CFAP46: variants seen among roughly 807,000 people sequenced by gnomAD.
CFAP46 encodes cilia- and flagella-associated protein 46.
Under a neutral mutation model 325.7 loss-of-function variants are expected in CFAP46, and 245 were observed. The observed-to-expected ratio is 0.75, with a 90% CI of 0.68 to 0.84. The LOEUF (loss-of-function observed/expected upper bound fraction) is 0.84, where lower values mean the gene tolerates loss of function less well. Ranked by LOEUF, CFAP46 falls within the 40% of genes least tolerant of loss-of-function variation. The probability of loss-of-function intolerance (pLI) is 0.00; values close to 1 mark genes in which losing one functional copy is unlikely to be tolerated. For synonymous variants in CFAP46, 1,523 were observed against 1,495.9 expected (o/e 1.02, Z -0.42); for missense variants, 3,346 against 3,543.0 (o/e 0.94, Z 1.41).
intron 25 of CFAP46, among the ~76,000 whole-genome samples, chr10:132,890,929 A>C (rs1409338825): frequency 6.6e-6 from 1 of 152,202 alleles, no homozygotes. Context: ...ACAGCATTTA[A>C]AGATTTCCCA....
At position 132,817,778 on chromosome 10, in the gene CFAP46, T is replaced by C. The variant is rs963783329; in HGVS notation, c.7118-2864A>G. On this transcript the variant is annotated intron_variant, in intron 50 of 57. Transcript: ENST00000368586. This position sits in a 1 kb window ranked among gnomAD's most constrained non-coding sequence, Gnocchi z 4.4. The stretch of plus-strand genomic sequence containing the variant: ...AGTTTGTGTGGCTGCTGTTAACCAA[T>C]TACTACAAAACGCAGGCTTGATGTG... Among the ~76,000 whole-genome samples, 6 of 152,222 alleles carry C rather than the reference T, an allele frequency of 3.9e-5. No individual in the cohort carries two copies. Among genetic ancestry groups the C allele is most frequent in the Admixed American group, 3.9e-4 (6 of 15,292 alleles).
chr10:132,865,461 G>T (rs1848798827), intron 35 of CFAP46, among the ~76,000 whole-genome samples: 1 of 152,204 alleles, frequency 6.6e-6, no homozygotes, highest in Non-Finnish European at 1.5e-5. Context: ...ATGTCACAAA[G>T]CCTGGCAGGA....
In CFAP46 at chr10:132,828,924, G is replaced by C. The variant is rs1459446759; in HGVS notation, c.7117+4434C>G. 6.6e-6 allele frequency among the ~76,000 whole-genome samples: 1 copy of C among 151,938 alleles called. No individual in the cohort carries two copies. The highest frequency in any genetic ancestry group is 1.5e-5 in the Non-Finnish European group (1 of 68,016). On this transcript the variant is annotated intron_variant, in intron 50 of 57. Transcript: ENST00000368586. This position sits in a 1 kb window ranked among gnomAD's most constrained non-coding sequence, Gnocchi z 4.9. ...CTTCTGGTTCCCCGCCCCATCCCCTGGGTCTACACGGCTACCGTCACGCCT... is the reference window on the plus strand; with the variant it reads ...CTTCTGGTTCCCCGCCCCATCCCCTCGGTCTACACGGCTACCGTCACGCCT...
Position 132,881,152 on chromosome 10 carries a change from G to A in CFAP46, c.3628-120C>T, listed in dbSNP as rs536277997. ...AAAGCTTCATTCTTACCCCCACAGTGATCATTTGCAGGCCGCCTCTAATGA... is the reference window on the plus strand; with the variant it reads ...AAAGCTTCATTCTTACCCCCACAGTAATCATTTGCAGGCCGCCTCTAATGA... On this transcript the variant is annotated intron_variant, in intron 27 of 57. Transcript: ENST00000368586. The A allele has an allele frequency of 9.7e-5, 96 of 992,316 alleles. No individual in the cohort carries two copies. In the South Asian group the frequency reaches 1.5e-3, roughly 16 times the overall value. 61.5% of individuals were successfully genotyped at this position (992,316 alleles called of 1,614,324 possible). A position where few individuals can be genotyped will look rare whatever the true frequency, so the allele number is the denominator to read the frequency against.
chr10:132,920,505 C>T (rs533306840), intron 13 of CFAP46, among the ~76,000 whole-genome samples: 35 of 152,336 alleles, frequency 2.3e-4, no homozygotes, highest in Middle Eastern at 6.8e-3. Context: ...CAGAGGCACC[C>T]GGCCTCAGAC....
intron 19 of CFAP46, 62 bp downstream of exon 19, chr10:132,912,592 TC>T (rs1849567274): frequency 1.4e-5 from 19 of 1,331,530 alleles, no homozygotes; most frequent in Non-Finnish European, 1.9e-5. Context: ...CTCCTCTCTC[TC>T]TCTCCTCTCT....
chr10:132,911,610 G>T (rs1401331196), intron 19 of CFAP46, among the ~76,000 whole-genome samples: 1 of 152,206 alleles, frequency 6.6e-6, no homozygotes, highest in African/African-American at 2.4e-5. Context: ...TTCTGAGTTA[G>T]AAATGGGCAA....
At chr10:132,843,151 G>A (rs1293696276) in intron 44 of CFAP46, among the ~76,000 whole-genome samples, 1 of 152,188 alleles carries the variant, frequency 6.6e-6, no homozygotes, top group Non-Finnish European at 1.5e-5. Context: ...CCCACATTGA[G>A]CCCTTCATTT....
At chr10:132,859,606 G>A (rs966012184) in intron 37 of CFAP46, among the ~76,000 whole-genome samples, 1 of 152,136 alleles carries the variant, frequency 6.6e-6, no homozygotes, top group African/African-American at 2.4e-5. Flanking sequence ...CGCTGCAGCT[G>A]GGGGGCCCAG....
intron 11 of CFAP46, 57 bp from the exon 12 acceptor site, chr10:132,922,765 G>A (rs1849747609): frequency 7.2e-7 from 1 of 1,385,650 alleles, no homozygotes; most frequent in Non-Finnish European, 9.9e-7. Flanking sequence ...TGTCAGGCTG[G>A]GGTCACACCC....
At chr10:132,852,616 T>A (rs1422092873) in intron 39 of CFAP46, among the ~76,000 whole-genome samples, 1 of 151,664 alleles carries the variant, frequency 6.6e-6, no homozygotes, top group Middle Eastern at 3.2e-3. Flanking sequence ...GCGGTCTGTT[T>A]CTCCATTTAC....
At chr10:132,822,162 C>A (rs1235448494) in intron 50 of CFAP46, among the ~76,000 whole-genome samples, 16 of 101,324 alleles carry the variant, frequency 1.6e-4, no homozygotes, top group Admixed American at 2.1e-4. Context: ...GTGCTGTGTG[C>A]TGTGTGTGCT....
intron 43 of CFAP46, 104 bp from the exon 44 acceptor site, chr10:132,846,331 G>A: frequency 7.3e-7 from 1 of 1,377,372 alleles, no homozygotes; most frequent in East Asian, 2.5e-5. Flanking sequence ...AGCAGGAGTG[G>A]GCTGGCTCTC....
intron 41 of CFAP46, among the ~76,000 whole-genome samples, chr10:132,848,394 G>A (rs1028575891): frequency 2.0e-5 from 3 of 152,202 alleles, no homozygotes; most frequent in Admixed American, 1.3e-4. Context: ...AGAGAGAGCT[G>A]CCAGGCAAAA....
chr10:132,826,643 G>A (rs1848060469), intron 50 of CFAP46, among the ~76,000 whole-genome samples: 1 of 125,306 alleles, frequency 8.0e-6, no homozygotes, highest in Admixed American at 7.8e-5. Context: ...CGGAGCCACA[G>A]AGACCAGCCA....
At chr10:132,899,420 C>T (rs768095043) in intron 23 of CFAP46, 115 bp downstream of exon 23, 55 of 1,391,390 alleles carry the variant, frequency 4.0e-5, no homozygotes, top group Admixed American at 5.7e-5. Context: ...CACCTCCCCT[C>T]GCCGGCAGGA....
At chr10:132,882,726 A>G (rs1230052119) in intron 27 of CFAP46, among the ~76,000 whole-genome samples, 1 of 151,920 alleles carries the variant, frequency 6.6e-6, no homozygotes, top group Non-Finnish European at 1.5e-5. Flanking sequence ...TCTGTCATGA[A>G]GAGGTGGGAA....
At chr10:132,824,928 T>G (rs539407512) in intron 50 of CFAP46, among the ~76,000 whole-genome samples, 1 of 139,586 alleles carries the variant, frequency 7.2e-6, no homozygotes, top group African/African-American at 2.7e-5. Flanking sequence ...TGTGTGCTGC[T>G]TGTGTGTGCT....
intron 5 of CFAP46, among the ~76,000 whole-genome samples, 197 bp downstream of exon 5, chr10:132,938,392 G>A (rs554953756): frequency 1.3e-5 from 2 of 152,288 alleles, no homozygotes; most frequent in South Asian, 2.1e-4. Context: ...ACCAGGGCAC[G>A]GCAAATGTCA....
Sources: allele counts gnomAD v4.1 joint callset (sites outside exome capture counted in the v4.1 genomes callset), GRCh38; gene constraint gnomAD v4.1.1; non-coding constraint Gnocchi (gnomAD v3.1); transcripts MANE v1.5; gene names NCBI Gene and HGNC (gene_info 2026-07-23, HGNC 2026-07-21).